DNAH9: variants seen among roughly 807,000 people sequenced by gnomAD.
The protein encoded by DNAH9 is DNAH9 variant protein.
A neutral mutation model predicts 471.6 loss-of-function variants in DNAH9; 345 were observed. The ratio of observed to expected loss-of-function variants is 0.73; its 90% CI spans 0.67 to 0.80. The LOEUF is 0.80. Ranked by LOEUF, DNAH9 falls within the 30% of genes least tolerant of loss-of-function variation. The pLI is 0.00. For missense variants in DNAH9, 5,407 were observed against 5,609.2 expected, an observed-to-expected ratio of 0.96 and a Z score of 1.15; for synonymous variants, 2,093 against 2,123.6, an observed-to-expected ratio of 0.99 and a Z score of 0.40.
intron 55 of DNAH9, among the ~76,000 whole-genome samples, chr17:11,882,723 A>T (rs1316982576): frequency 6.6e-6 from 1 of 152,232 alleles, no homozygotes; most frequent in East Asian, 1.9e-4. Flanking sequence ...TTTTTAAGAA[A>T]ATAAAACAGG....
At chr17:11,653,507 G>T (rs1461004438) in intron 14 of DNAH9, among the ~76,000 whole-genome samples, 1 of 152,178 alleles carries the variant, frequency 6.6e-6, no homozygotes, top group East Asian at 1.9e-4. Context: ...TTAGTGGTCA[G>T]GGAAACTTTA....
At chr17:11,910,696 C>T (rs777263671) in intron 61 of DNAH9, among the ~76,000 whole-genome samples, 4 of 152,078 alleles carry the variant, frequency 2.6e-5, no homozygotes, top group African/African-American at 9.7e-5. Context: ...CCAGTTTCCC[C>T]GAGTCTTCAC....
intron 43 of DNAH9, among the ~76,000 whole-genome samples, chr17:11,800,554 G>A (rs78866183): frequency 0.053 from 8,079 of 151,694 alleles, 257 homozygotes; most frequent in African/African-American, 0.069. Context: ...GCTCCTATCC[G>A]CAACGACACT....
intron 28 of DNAH9, among the ~76,000 whole-genome samples, chr17:11,729,296 C>G (rs777306061): frequency 6.6e-6 from 1 of 152,050 alleles, no homozygotes; most frequent in Admixed American, 6.6e-5. Context: ...AGGCTGAGCA[C>G]CCCCCTTCTC....
chr17:11,938,794 G>A (rs906667461), intron 66 of DNAH9, among the ~76,000 whole-genome samples: 8 of 151,972 alleles, frequency 5.3e-5, no homozygotes, highest in East Asian at 1.9e-4. Context: ...AGACAGGGTC[G>A]CACTATGTTG....
At chr17:11,784,621 T>C in intron 41 of DNAH9, 82 bp downstream of exon 41, 2 of 1,581,996 alleles carry the variant, frequency 1.3e-6, no homozygotes, top group Admixed American at 3.4e-5. Flanking sequence ...AAGTAGCTAA[T>C]GCCCAGCTCA....
At chr17:11,690,537 C>T in intron 20 of DNAH9, 101 bp downstream of exon 20, 1 of 1,160,864 alleles carries the variant, frequency 8.6e-7, no homozygotes, top group Non-Finnish European at 1.2e-6. Flanking sequence ...TTTTCTGCCT[C>T]CTTGCTTTGA....
At chr17:11,636,972 CCT>C (rs1445527104) in intron 9 of DNAH9, among the ~76,000 whole-genome samples, 188 bp downstream of exon 9, 1 of 152,150 alleles carries the variant, frequency 6.6e-6, no homozygotes, top group Non-Finnish European at 1.5e-5. Flanking sequence ...TACGGCTTTC[CCT>C]GTTTCTGGGG....
chr17:11,702,250 G>C (rs1597503587), intron 24 of DNAH9, among the ~76,000 whole-genome samples: 1 of 152,364 alleles, frequency 6.6e-6, no homozygotes, highest in African/African-American at 2.4e-5. Context: ...TGTAGACCTT[G>C]TGAGAGAGTC....
chr17:11,730,939 ACGG>A lies in DNAH9; in HGVS notation c.5814+3018_5814+3020del, dbSNP rs1339333821. On this transcript the variant is annotated intron_variant, in intron 28 of 68. Coordinates refer to ENST00000262442, the MANE Select transcript of DNAH9 (RefSeq NM_001372.4). ...AATGATGATGGTGGTGGTGGTGATGACGGTGATGATGATGATGGTGGTGGTGAT... is the reference window on the plus strand; with the variant it reads ...AATGATGATGGTGGTGGTGGTGATGATGATGATGATGATGGTGGTGGTGAT... Among the ~76,000 whole-genome samples the A allele has an allele frequency of 4.5e-3, 260 of 58,334 alleles. 3 individuals are homozygous for A. The highest frequency in any genetic ancestry group is 0.015 in the Admixed American group (55 of 3,762). 38.3% of individuals were successfully genotyped at this position (58,334 alleles called of 152,430 possible). A position where few individuals can be genotyped will look rare whatever the true frequency, so the allele number is the denominator to read the frequency against.
intron 14 of DNAH9, among the ~76,000 whole-genome samples, chr17:11,660,986 A>G (rs2150715550): frequency 6.6e-6 from 1 of 151,766 alleles, no homozygotes; most frequent in East Asian, 1.9e-4. Flanking sequence ...CTCCACTTAC[A>G]ATTTTGGATT....
rs778690378 is a variant in DNAH9 at position 11,854,346 on chromosome 17, C to T, written c.9851C>T (p.Pro3284Leu). 3 of 1,613,896 alleles carry T rather than the reference C, an allele frequency of 1.9e-6. No homozygotes were observed. The highest frequency in any genetic ancestry group is 2.5e-6 in the Non-Finnish European group (3 of 1,180,020). The change falls in exon 50 of 69, where the codon CCC becomes CTC. Residue 3284 changes from proline (P) to leucine (L), a missense_variant. This residue lies in a region of DNAH9 where 4,636 missense variants were observed against 4,900.3 expected (regional missense o/e 0.95). Coordinates refer to ENST00000262442, the MANE Select transcript of DNAH9 (RefSeq NM_001372.4). ...RFYEVFCDVE[P>L]KRQALNKATA... Reference sequence around the variant, plus strand: ...TATGAGGTGTTCTGTGATGTGGAACCCAAGCGCCAGGCACTGAACAAAGCC... The same window carrying T: ...TATGAGGTGTTCTGTGATGTGGAACTCAAGCGCCAGGCACTGAACAAAGCC...
intron 6 of DNAH9, 50 bp from the exon 7 acceptor site, chr17:11,629,367 C>G: frequency 6.5e-7 from 1 of 1,532,270 alleles, no homozygotes; most frequent in Non-Finnish European, 9.0e-7. Flanking sequence ...TTTGTCCTTG[C>G]GATAGTTTGC....
intron 32 of DNAH9, among the ~76,000 whole-genome samples, chr17:11,748,148 CAAAAAAAAAAAAA>C (rs71142241): frequency 1.8e-3 from 115 of 64,676 alleles, no homozygotes; most frequent in South Asian, 2.6e-3. Context: ...ACTAAAAATA[CAAAAAAAAAAAAA>C]AAAAAAAAAA....
rs1312601735 is a variant in DNAH9, at chr17:11,611,767, AGATGTTGTTG to A, written c.892_901del (p.Asp298GlnfsTer3). The A allele has an allele frequency of 6.2e-7, 1 of 1,614,182 alleles. No individual in the cohort carries two copies. The highest frequency in any genetic ancestry group is 1.7e-5 in the Admixed American group (1 of 60,024). ...TTCCAGCTTTCAAAGCCATGTACAGAGATGTTGTTGCAGGTGAGGACCAGCAAGTGTTTTC... is the reference window on the plus strand; with the variant it reads ...TTCCAGCTTTCAAAGCCATGTACAGACAGGTGAGGACCAGCAAGTGTTTTC... On this transcript the variant is annotated frameshift_variant, in exon 4 of 69. Coordinates refer to ENST00000262442, the MANE Select transcript of DNAH9 (RefSeq NM_001372.4). LOFTEE classifies it high-confidence loss of function.
At chr17:11,781,208 G>T in intron 39 of DNAH9, 34 bp downstream of exon 39, 1 of 1,600,866 alleles carries the variant, frequency 6.2e-7, no homozygotes, top group Middle Eastern at 1.7e-4. Flanking sequence ...CTGGCCCAAG[G>T]GAGCAGAGCC....
chr17:11,773,857 T>C (rs1968315244), intron 38 of DNAH9, among the ~76,000 whole-genome samples: 1 of 152,098 alleles, frequency 6.6e-6, no homozygotes, highest in South Asian at 2.1e-4. Flanking sequence ...AAGTGGGGCG[T>C]GGAGGCTCAT....
chr17:11,887,811 A>G (rs1215662557), intron 57 of DNAH9, among the ~76,000 whole-genome samples: 2 of 151,898 alleles, frequency 1.3e-5, no homozygotes, highest in Non-Finnish European at 2.9e-5. Context: ...CAGCTAAACC[A>G]CCATGTGAAG....
intron 59 of DNAH9, among the ~76,000 whole-genome samples, chr17:11,902,074 CAAGGAAATGAG>C (rs1212968707): frequency 1.9e-4 from 29 of 152,140 alleles, no homozygotes; most frequent in African/African-American, 6.8e-4. Context: ...GTAGTATGAA[CAAGGAAATGAG>C]TTGGGAATGA....
Sources: allele counts gnomAD v4.1 joint callset (sites outside exome capture counted in the v4.1 genomes callset), GRCh38; gene constraint gnomAD v4.1.1; regional missense constraint gnomAD v4.1.1; transcripts MANE v1.5; gene names NCBI Gene and HGNC (gene_info 2026-07-23, HGNC 2026-07-21).